The following FOXK1 variants were observed in gnomAD, a reference collection of about 807,000 sequenced individuals.
FOXK1 encodes forkhead box protein K1.
FOXK1 carries 19 observed loss-of-function variants against 51.9 expected under a neutral mutation model. That is an observed-to-expected ratio of 0.37 (90% CI 0.26 to 0.54). The LOEUF (loss-of-function observed/expected upper bound fraction) is 0.54. FOXK1 is among the 20% of genes least tolerant of loss of function. FOXK1 has a pLI of 0.87. For missense variants in FOXK1, 870 were observed against 1,032.7 expected (o/e 0.84, Z 2.16); for synonymous variants, 537 against 482.6 (o/e 1.11, Z -1.48).
chr7:4,697,728 C>T (rs1484945175), intron 1 of FOXK1, among the ~76,000 whole-genome samples: 1 of 142,310 alleles, frequency 7.0e-6, no homozygotes, highest in Non-Finnish European at 1.5e-5. Context: ...TGTTTACATA[C>T]AGGAAAGATA....
At position 4,714,335 on chromosome 7, in the gene FOXK1, A is replaced by G. The variant is rs144947915; in HGVS notation, c.561-26503A>G. On this transcript the variant is annotated intron_variant, in intron 1 of 8. Coordinates refer to ENST00000328914, the MANE Select transcript of FOXK1 (RefSeq NM_001037165.2). ...GCTGTGTCACCCAGGCTGGAGTGCA[A>G]TGGCGCGATCTCAGCTCACTGCAGC... Among the ~76,000 whole-genome samples the G allele has an allele frequency of 3.9e-3, 589 of 151,954 alleles. 4 individuals are homozygous for G. Among genetic ancestry groups the G allele is most frequent in the African/African-American group, 0.013 (557 of 41,446 alleles).
intron 1 of FOXK1, among the ~76,000 whole-genome samples, chr7:4,725,615 C>G (rs563009004): frequency 2.0e-5 from 3 of 152,396 alleles, no homozygotes; most frequent in Non-Finnish European, 4.4e-5. Context: ...CGCCCATGCT[C>G]CGGGCGTGTG....
At chr7:4,694,573 A>T (rs893887252) in intron 1 of FOXK1, among the ~76,000 whole-genome samples, 1 of 152,188 alleles carries the variant, frequency 6.6e-6, no homozygotes, top group African/African-American at 2.4e-5. Flanking sequence ...CACAGACCCC[A>T]ACAGTGCCCT....
In FOXK1 at chr7:4,763,100, G is replaced by A. The variant is rs1780959693; in HGVS notation, c.*636G>A. 1.3e-5 allele frequency: 2 copies of A among 152,978 alleles called. No individual in the cohort carries two copies. Among genetic ancestry groups the A allele is most frequent in the Non-Finnish European group, 2.9e-5 (2 of 68,348 alleles). The allele number at this position is 152,978 out of a possible 1,614,324, so 9.5% of individuals were successfully genotyped here. On this transcript the variant is annotated 3_prime_UTR_variant, in exon 9 of 9. Transcript: ENST00000328914. ...GTACACCTGAGACAGACACAAAAGG[G>A]ATCATGTATTTTTGAGGATTTTACC...
chr7:4,706,135 G>T (rs1038538639), intron 1 of FOXK1, among the ~76,000 whole-genome samples: 1 of 151,362 alleles, frequency 6.6e-6, no homozygotes, highest in Non-Finnish European at 1.5e-5. Context: ...CAGGAGAAAA[G>T]CCACATAGAA....
At chr7:4,710,972 A>G (rs755111491) in intron 1 of FOXK1, among the ~76,000 whole-genome samples, 34 of 152,276 alleles carry the variant, frequency 2.2e-4, no homozygotes, top group Middle Eastern at 3.4e-3. Context: ...ACACCGTCCT[A>G]GCCACTGGGT....
intron 1 of FOXK1, among the ~76,000 whole-genome samples, chr7:4,705,840 G>A (rs991710491): frequency 6.7e-6 from 1 of 149,044 alleles, no homozygotes; most frequent in Non-Finnish European, 1.5e-5. Flanking sequence ...CGGCCTTCAC[G>A]TGTCATTTCT....
At chr7:4,720,184 G>A (rs369385185) in intron 1 of FOXK1, among the ~76,000 whole-genome samples, 12 of 152,098 alleles carry the variant, frequency 7.9e-5, no homozygotes, top group African/African-American at 1.9e-4. Flanking sequence ...GAGTTTCTTC[G>A]GGTTCATCCT....
intron 1 of FOXK1, among the ~76,000 whole-genome samples, chr7:4,691,935 C>T (rs1779897657): frequency 6.6e-6 from 1 of 152,168 alleles, no homozygotes; most frequent in Non-Finnish European, 1.5e-5. Context: ...CTTATACCAG[C>T]AATTCCCAGA....
chr7:4,729,422 C>G lies in FOXK1; in HGVS notation c.561-11416C>G, dbSNP rs1015019632. Among the ~76,000 whole-genome samples the G allele has an allele frequency of 1.3e-5, 2 of 152,194 alleles. No individual in the cohort carries two copies. Among genetic ancestry groups the G allele is most frequent in the Non-Finnish European group, 2.9e-5 (2 of 68,040 alleles). Reference sequence around the variant, plus strand: ...GTTGGGATTGGGAAGCAGTCACCTACCAGATGAGCGTTCCTTCCGCGAAGG... The same window carrying G: ...GTTGGGATTGGGAAGCAGTCACCTAGCAGATGAGCGTTCCTTCCGCGAAGG... On this transcript the variant is annotated intron_variant, in intron 1 of 8. Coordinates refer to ENST00000328914, the MANE Select transcript of FOXK1 (RefSeq NM_001037165.2). This position sits in a 1 kb window ranked among gnomAD's most constrained non-coding sequence, Gnocchi z 6.2.
At position 4,745,049 on chromosome 7, in the gene FOXK1, C is replaced by T. The variant is rs1029123518; in HGVS notation, c.746+4026C>T. Among the ~76,000 whole-genome samples, 2 of 152,336 alleles carry T rather than the reference C, an allele frequency of 1.3e-5. No individual in the cohort carries two copies. Among genetic ancestry groups the T allele is most frequent in the Non-Finnish European group, 1.5e-5 (1 of 68,028 alleles). On this transcript the variant is annotated intron_variant, in intron 2 of 8. Coordinates refer to ENST00000328914, the MANE Select transcript of FOXK1 (RefSeq NM_001037165.2). This position sits in a 1 kb window ranked among gnomAD's most constrained non-coding sequence, Gnocchi z 4.3. ...AGTTTCTGCTGTAGGGTGGAGCCGGCGTGTTTACAAACACTCCCTGCCCTT... is the reference window on the plus strand; with the variant it reads ...AGTTTCTGCTGTAGGGTGGAGCCGGTGTGTTTACAAACACTCCCTGCCCTT...
intron 1 of FOXK1, among the ~76,000 whole-genome samples, chr7:4,688,979 C>CT (rs565201321): frequency 0.052 from 7,321 of 141,726 alleles, 270 homozygotes; most frequent in Non-Finnish European, 0.08. Context: ...CTCACCTGCA[C>CT]TTTTTTTTTT....
rs1212418246 is a variant in FOXK1, at chr7:4,755,684, TCACA to T, written c.1050+303_1050+306del. Among the ~76,000 whole-genome samples the T allele has an allele frequency of 6.6e-6, 1 of 152,032 alleles. No homozygotes were observed. Among genetic ancestry groups the T allele is most frequent in the African/African-American group, 2.4e-5 (1 of 41,390 alleles). ...AGGTGGAGGCTGCAGTGAGCTATGA[TCACA>T]CCACTGCACTCCAGCCTGGGAGACA... On this transcript the variant is annotated intron_variant, in intron 4 of 8. Coordinates refer to ENST00000328914, the MANE Select transcript of FOXK1 (RefSeq NM_001037165.2). The surrounding 1 kb of genome is among the most constrained non-coding windows in gnomAD (Gnocchi z 6.6).
rs957932167 is a variant in FOXK1, at chr7:4,758,889, G to T, written c.1245-162G>T. The T allele has an allele frequency of 2.8e-6, 2 of 708,836 alleles. No homozygotes were observed. Among genetic ancestry groups the T allele is most frequent in the Admixed American group, 3.1e-5 (1 of 32,636 alleles). 43.9% of individuals were successfully genotyped at this position (708,836 alleles called of 1,614,324 possible). ...ACTCAAATGGAGTTTTAAAGGCTGG[G>T]TTCAGGTTACGGGGGCGTTTCTCAC... On this transcript the variant is annotated intron_variant, in intron 5 of 8. Coordinates refer to ENST00000328914, the MANE Select transcript of FOXK1 (RefSeq NM_001037165.2). This position sits in a 1 kb window ranked among gnomAD's most constrained non-coding sequence, Gnocchi z 4.4.
At chr7:4,700,059 C>G (rs1780002161) in intron 1 of FOXK1, among the ~76,000 whole-genome samples, 1 of 152,188 alleles carries the variant, frequency 6.6e-6, no homozygotes, top group Non-Finnish European at 1.5e-5. Flanking sequence ...CTCTGCCTGC[C>G]TGAGAGCCAT....
At chr7:4,712,756 C>G (rs1780190617) in intron 1 of FOXK1, among the ~76,000 whole-genome samples, 1 of 152,184 alleles carries the variant, frequency 6.6e-6, no homozygotes. Context: ...TCTGTTTATG[C>G]TGCAGAGTGT....
chr7:4,770,032 A>C lies in FOXK1; in HGVS notation c.*7568A>C, dbSNP rs1442673272. On this transcript the variant is annotated 3_prime_UTR_variant, in exon 9 of 9. Transcript: ENST00000328914. ...GCCTGCCCCTCCGAGTCTAGAGGTAAAAGCAGCTTCTAGAACTGGCCCCTA... is the reference window on the plus strand; with the variant it reads ...GCCTGCCCCTCCGAGTCTAGAGGTACAAGCAGCTTCTAGAACTGGCCCCTA... 6.6e-6 allele frequency: 1 copy of C among 152,176 alleles called. No homozygotes were observed. Among genetic ancestry groups the C allele is most frequent in the Non-Finnish European group, 1.5e-5 (1 of 68,042 alleles). The allele number at this position is 152,176 out of a possible 1,614,324, so 9.4% of individuals were successfully genotyped here. A position where few individuals can be genotyped will look rare whatever the true frequency, so the allele number is the denominator to read the frequency against.
At chr7:4,705,833 C>G (rs1166756066) in intron 1 of FOXK1, among the ~76,000 whole-genome samples, 1 of 150,734 alleles carries the variant, frequency 6.6e-6, no homozygotes, top group Admixed American at 6.6e-5. Flanking sequence ...ACTGCCCCGG[C>G]CTTCACGTGT....
chr7:4,730,394 A>G lies in FOXK1; in HGVS notation c.561-10444A>G, dbSNP rs893883004. 2.8e-4 allele frequency among the ~76,000 whole-genome samples: 43 copies of G among 152,304 alleles called. No homozygotes were observed. Among genetic ancestry groups the G allele is most frequent in the Admixed American group, 6.5e-5 (1 of 15,300 alleles). On this transcript the variant is annotated intron_variant, in intron 1 of 8. Coordinates refer to ENST00000328914, the MANE Select transcript of FOXK1 (RefSeq NM_001037165.2). This position sits in a 1 kb window ranked among gnomAD's most constrained non-coding sequence, Gnocchi z 4.7. ...GCCACCGCTGTCAGCCGTGGGGTTCAGGAGAACAGGGTTGTGGCATGGACC... is the reference window on the plus strand; with the variant it reads ...GCCACCGCTGTCAGCCGTGGGGTTCGGGAGAACAGGGTTGTGGCATGGACC...
Sources: allele counts gnomAD v4.1 joint callset (sites outside exome capture counted in the v4.1 genomes callset), GRCh38; gene constraint gnomAD v4.1.1; non-coding constraint Gnocchi (gnomAD v3.1); transcripts MANE v1.5; gene names NCBI Gene and HGNC (gene_info 2026-07-23, HGNC 2026-07-21).